ZNF320: variants seen among roughly 807,000 people sequenced by gnomAD.
The protein encoded by ZNF320 is zinc finger protein 320.
ZNF320 carries 2 observed loss-of-function variants against 6.8 expected under a neutral mutation model. That is an observed-to-expected ratio of 0.29 (90% CI 0.12 to 0.93). The LOEUF (loss-of-function observed/expected upper bound fraction) is 0.93, where lower values mean the gene tolerates loss of function less well. ZNF320 is among the 40% of genes least tolerant of loss of function. The probability of loss-of-function intolerance (pLI) is 0.55; values close to 1 mark genes in which losing one functional copy is unlikely to be tolerated. For synonymous variants in ZNF320, 208 were observed against 203.2 expected, an observed-to-expected ratio of 1.02 and a Z score of -0.20; for missense variants, 472 against 611.0, an observed-to-expected ratio of 0.77 and a Z score of 2.40.
At position 52,881,481 on chromosome 19, in the gene ZNF320, T is replaced by G; in HGVS notation, c.645A>C (p.Lys215Asn). 1 of 1,614,206 alleles carries G rather than the reference T, an allele frequency of 6.2e-7. No homozygotes were observed. Among genetic ancestry groups the G allele is most frequent in the Non-Finnish European group, 8.5e-7 (1 of 1,180,044 alleles). Residue 215 changes from lysine (K) to asparagine (N), a missense_variant, in exon 6 of 6, where the codon AAA becomes AAC. Physicochemically the swap from Lys to Asn is moderately conservative, Grantham distance 94 (BLOSUM62 0). Transcript: ENST00000682928. ...TGCCACATTCATTACATGTGTAATG[T>G]TTGTCTCCCCTGTGAATTCTAGTAT... ...AKHTRIHRGD[K>N]HYTCNECGKV...
downstream of ZNF320, among the ~76,000 whole-genome samples, chr19:52,859,844 A>G (rs1387473871): frequency 6.6e-6 from 1 of 151,906 alleles, no homozygotes; most frequent in Non-Finnish European, 1.5e-5. Flanking sequence ...TTATTGCACT[A>G]CACGCTACCA....
At chr19:52,896,707 T>G (rs185542747) in intron 1 of ZNF320, among the ~76,000 whole-genome samples, 1 of 152,106 alleles carries the variant, frequency 6.6e-6, no homozygotes, top group Non-Finnish European at 1.5e-5. Flanking sequence ...AGACCCCATC[T>G]CCAATAAAAA....
intron 4 of ZNF320, among the ~76,000 whole-genome samples, chr19:52,889,329 T>C (rs934697566): frequency 7.2e-5 from 11 of 152,018 alleles, no homozygotes; most frequent in African/African-American, 2.7e-4. Flanking sequence ...GATGAATCAA[T>C]TACCCTTTTA....
chr19:52,898,830 T>C (rs193281782), upstream of ZNF320, among the ~76,000 whole-genome samples: 21 of 152,354 alleles, frequency 1.4e-4, no homozygotes, highest in East Asian at 3.9e-3. Context: ...AACATTGGGT[T>C]CTAAGCCATA....
At chr19:52,882,183 G>A (rs928923227) in intron 5 of ZNF320, among the ~76,000 whole-genome samples, 200 bp from the exon 6 acceptor site, 1 of 152,104 alleles carries the variant, frequency 6.6e-6, no homozygotes, top group Non-Finnish European at 1.5e-5. Context: ...TTTTACAGAA[G>A]CCTATTTCCA....
intron 5 of ZNF320, among the ~76,000 whole-genome samples, chr19:52,866,935 A>G (rs1256008984): frequency 1.3e-5 from 2 of 151,846 alleles, no homozygotes; most frequent in East Asian, 3.9e-4. Flanking sequence ...TTATGATGTC[A>G]CGACTACAGT....
exon 6 of ZNF320, among the ~76,000 whole-genome samples, chr19:52,861,225 A>G (rs1034764263): frequency 2.6e-5 from 4 of 152,232 alleles, no homozygotes; most frequent in African/African-American, 9.6e-5. Context: ...TTAACAATAA[A>G]CAATTTTAAA....
chr19:52,859,923 T>C (rs2063477049), downstream of ZNF320, among the ~76,000 whole-genome samples: 1 of 151,578 alleles, frequency 6.6e-6, no homozygotes, highest in African/African-American at 2.4e-5. Flanking sequence ...TCTTTTTTTT[T>C]TTTTTTTGAG....
chr19:52,896,630 G>A (rs1017175479), intron 1 of ZNF320, among the ~76,000 whole-genome samples: 2 of 152,222 alleles, frequency 1.3e-5, no homozygotes, highest in East Asian at 3.9e-4. Context: ...GATCGCTTGA[G>A]CATAGGATGT....
downstream of ZNF320, among the ~76,000 whole-genome samples, chr19:52,859,694 T>C (rs991945148): frequency 3.3e-5 from 5 of 152,136 alleles, no homozygotes; most frequent in Non-Finnish European, 5.9e-5. Context: ...TGGTGATGGA[T>C]TGATACACTT....
At chr19:52,887,454 A>C (rs1300641561) in intron 5 of ZNF320, among the ~76,000 whole-genome samples, 1 of 152,224 alleles carries the variant, frequency 6.6e-6, no homozygotes, top group African/African-American at 2.4e-5. Context: ...TCCTCCACTG[A>C]CTGCCTCATT....
At chr19:52,866,927 A>G (rs570449524) in intron 5 of ZNF320, among the ~76,000 whole-genome samples, 3 of 151,678 alleles carry the variant, frequency 2.0e-5, no homozygotes, top group African/African-American at 7.2e-5. Flanking sequence ...CGGCTGAATT[A>G]TGATGTCACG....
Position 52,879,155 on chromosome 19 carries a change from A to G in ZNF320, c.*1441T>C, listed in dbSNP as rs187492081. On this transcript the variant is annotated 3_prime_UTR_variant, in exon 6 of 6. Coordinates refer to ENST00000682928, the MANE Select transcript of ZNF320 (RefSeq NM_001351774.2). Reference sequence around the variant, plus strand: ...AGTTTATCTTGGTGCAAAAAATGTGATATCATGCACAATTTTCTCATAATA... The same window carrying G: ...AGTTTATCTTGGTGCAAAAAATGTGGTATCATGCACAATTTTCTCATAATA... The G allele has an allele frequency of 2.0e-5, 3 of 152,364 alleles. No homozygotes were observed. The highest frequency in any genetic ancestry group is 1.9e-4 in the East Asian group (1 of 5,184). The allele number at this position is 152,364 out of a possible 1,614,324, so 9.4% of individuals were successfully genotyped here. A position where few individuals can be genotyped will look rare whatever the true frequency, so the allele number is the denominator to read the frequency against.
the ZNF320 span, among the ~76,000 whole-genome samples, chr19:52,902,874 G>A: frequency 3.9e-5 from 6 of 152,054 alleles, no homozygotes; most frequent in Admixed American, 1.3e-4. Context: ...TTTGATGTCC[G>A]TTTCACAGAA....
At chr19:52,865,796 CAT>C (rs2063548518) in intron 5 of ZNF320, among the ~76,000 whole-genome samples, 1 of 117,764 alleles carries the variant, frequency 8.5e-6, no homozygotes, top group South Asian at 2.5e-4. Context: ...TGATTATACA[CAT>C]ATATTTATAT....
At chr19:52,899,563 C>T (rs1350152558), upstream of ZNF320, among the ~76,000 whole-genome samples, 2 of 152,034 alleles carry the variant, frequency 1.3e-5, no homozygotes, top group African/African-American at 2.4e-5. Context: ...CCCGGGTTCA[C>T]GCCATTCTCC....
At position 52,861,360 on chromosome 19, in the gene ZNF320, C is replaced by T. The variant is rs140923120; in HGVS notation, c.*2669G>A. Among the ~76,000 whole-genome samples, 22 of 152,224 alleles carry T rather than the reference C, an allele frequency of 1.4e-4. No homozygotes were observed. The East Asian group carries it at 4.2e-3, about 29-fold the overall frequency. On this transcript the variant is annotated 3_prime_UTR_variant, in exon 6 of 6. Coordinates refer to the ZNF320 transcript ENST00000673631. The stretch of plus-strand genomic sequence containing the variant: ...AAACACTGATCAAAATGATTAAAAA[C>T]ATATATAAATAGAGATAGAACCCAT...
chr19:52,897,297 C>A lies in ZNF320; in HGVS notation c.-270+223G>T, dbSNP rs192487864. On this transcript the variant is annotated intron_variant, in intron 1 of 5. Transcript: ENST00000682928. The stretch of plus-strand genomic sequence containing the variant: ...CCCGGGAACCGGGGTTGAGGCGCGG[C>A]GCTCCTGAAGCCGCCGAGAGCGACG... 1.3e-3 allele frequency among the ~76,000 whole-genome samples: 194 copies of A among 152,306 alleles called. 1 individual carries two copies. Among genetic ancestry groups the A allele is most frequent in the African/African-American group, 3.5e-3 (144 of 41,572 alleles).
rs1201451702 is a variant in ZNF320, at chr19:52,880,901, C to T, written c.1225G>A (p.Gly409Arg). ...TCTTCACATTCGTAAAGTTTCTCTC[C>T]AGTATGAAGTTTTTGATGACATGCG... ...YLACHQKLHT[G>R]EKLYECEECD... Residue 409 changes from glycine to arginine, a missense_variant, in exon 6 of 6, where the codon GGA becomes AGA. Around this residue, in one of 2 missense-constraint regions of ZNF320, gnomAD observed 462 missense variants for 559.7 expected, o/e 0.83. Transcript: ENST00000682928. 6.2e-7 allele frequency: 1 copy of T among 1,613,310 alleles called. No individual in the cohort carries two copies. Among genetic ancestry groups the T allele is most frequent in the South Asian group, 1.1e-5 (1 of 91,042 alleles).
Sources: gnomAD v4.1 joint callset for allele counts (sites outside exome capture counted in the v4.1 genomes callset) on GRCh38, gnomAD v4.1.1 for gene constraint, gnomAD v4.1.1 regional missense constraint, MANE v1.5 for transcripts, NCBI Gene and HGNC (gene_info 2026-07-23, HGNC 2026-07-21) for gene names.